The following CFAP47 variants were observed in gnomAD, a reference collection of about 807,000 sequenced individuals.
The protein encoded by CFAP47 is cilia- and flagella-associated protein 47.
Under a neutral mutation model 148.1 loss-of-function variants are expected in CFAP47, and 29 were observed. That is an observed-to-expected ratio of 0.20 (90% CI 0.15 to 0.27). The LOEUF is 0.27. Ranked by LOEUF, CFAP47 falls within the 10% of genes least tolerant of loss-of-function variation. The pLI is 1.00. For synonymous variants in CFAP47, 664 were observed against 577.3 expected (o/e 1.15, Z -2.15); for missense variants, 1,872 against 1,697.5 (o/e 1.10, Z -1.81).
intron 2 of CFAP47, among the ~76,000 whole-genome samples, chrX:35,940,108 T>C (rs1406875891): frequency 9.0e-6 from 1 of 111,521 alleles, no homozygotes; most frequent in African/African-American, 3.3e-5. Context: ...GAGAAGTGTC[T>C]GTTCATGTCC....
intron 52 of CFAP47, among the ~76,000 whole-genome samples, chrX:36,299,534 T>C (rs1941277848): frequency 1.8e-5 from 2 of 111,576 alleles, no homozygotes; most frequent in Non-Finnish European, 3.8e-5. Context: ...TACAAATAAT[T>C]CACTTGGAGG....
intron 30 of CFAP47, among the ~76,000 whole-genome samples, chrX:36,086,977 A>G (rs1210836094): frequency 1.8e-5 from 2 of 111,775 alleles, no homozygotes; most frequent in Non-Finnish European, 3.8e-5. Flanking sequence ...GAAGATCCCC[A>G]TCTCAGACAT....
chrX:35,999,547 AATAC>A (rs753285887), intron 19 of CFAP47, among the ~76,000 whole-genome samples: 2 of 112,439 alleles, frequency 1.8e-5, no homozygotes, highest in Non-Finnish European at 3.8e-5. Flanking sequence ...TAAGTAAATA[AATAC>A]ATAAATAAGT....
At chrX:36,292,951 T>C (rs1246939178) in intron 51 of CFAP47, among the ~76,000 whole-genome samples, 3 of 111,337 alleles carry the variant, frequency 2.7e-5, no homozygotes, top group Non-Finnish European at 5.7e-5. Context: ...GTACAATATG[T>C]AATACATAAT....
In CFAP47 at chrX:36,238,019, C is replaced by T. The variant is rs148654130; in HGVS notation, c.7332+1160C>T. On this transcript the variant is annotated intron_variant, in intron 48 of 63. Transcript: ENST00000378653. ...TTCAAAATCAAAACCTAGTCCTTTG[C>T]CCATTTTTTTATAGGGATATCTGGA... Among the ~76,000 whole-genome samples, 979 of 111,315 alleles carry T rather than the reference C, an allele frequency of 8.8e-3. 12 individuals carry two copies. The highest frequency in any genetic ancestry group is 0.03 in the African/African-American group (919 of 30,609).
chrX:36,120,401 T>C (rs1569265049), intron 33 of CFAP47, among the ~76,000 whole-genome samples: 2 of 111,639 alleles, frequency 1.8e-5, no homozygotes, highest in East Asian at 5.7e-4. Flanking sequence ...TCTCTTTTTC[T>C]ACTAATTTTA....
intron 60 of CFAP47, among the ~76,000 whole-genome samples, chrX:36,357,015 A>G (rs1222035000): frequency 3.6e-5 from 4 of 112,328 alleles, no homozygotes; most frequent in African/African-American, 1.3e-4. Flanking sequence ...CATTCATGCC[A>G]AACTGGCCAG....
At chrX:36,137,210 T>C (rs1308940941) in intron 33 of CFAP47, among the ~76,000 whole-genome samples, 1 of 111,203 alleles carries the variant, frequency 9.0e-6, no homozygotes, top group African/African-American at 3.3e-5. Context: ...CATTTGCCCC[T>C]TGTTTTCAGA....
At chrX:36,176,863 C>A (rs1229591032) in intron 39 of CFAP47, among the ~76,000 whole-genome samples, 9 of 112,071 alleles carry the variant, frequency 8.0e-5, no homozygotes, top group Non-Finnish European at 5.6e-5. Flanking sequence ...GAGATTGTGC[C>A]ATTGCATTCC....
At chrX:36,200,568 A>T (rs1474847914) in intron 43 of CFAP47, 75 bp downstream of exon 43, 1 of 286,434 alleles carries the variant, frequency 3.5e-6, no homozygotes, top group African/African-American at 2.8e-5. Context: ...ACCTAAGCAT[A>T]CTCATAGCAA....
chrX:36,366,858 C>A, intron 61 of CFAP47, 108 bp from the exon 62 acceptor site: 2 of 403,752 alleles, frequency 5.0e-6, no homozygotes, highest in Non-Finnish European at 7.9e-6. Flanking sequence ...AGTGTTTTCA[C>A]TGAAACCACA....
In CFAP47 at chrX:36,085,446, A is replaced by G. The variant is rs75501143; in HGVS notation, c.4824A>G (p.Gly1608=). Residue 1608 remains glycine (G), a synonymous_variant, in exon 30 of 64, where the codon GGA becomes GGG. Transcript: ENST00000378653. ...LLHLSGKMPP[G]INSSQSLPVD... ...ATTTGAGTGGAAAAATGCCACCTGGAATTAATTCAAGTCAATCTTTACCTG... is the reference window on the plus strand; with the variant it reads ...ATTTGAGTGGAAAAATGCCACCTGGGATTAATTCAAGTCAATCTTTACCTG... 9.7e-5 allele frequency: 117 copies of G among 1,202,945 alleles called. No individual in the cohort carries two copies. The African/African-American group carries it at 1.9e-3, about 20-fold the overall frequency.
intron 57 of CFAP47, among the ~76,000 whole-genome samples, chrX:36,334,822 T>A (rs1941591584): frequency 9.0e-6 from 1 of 110,689 alleles, no homozygotes. Context: ...TCTCACATCC[T>A]GCAAAGTGTT....
intron 46 of CFAP47, among the ~76,000 whole-genome samples, chrX:36,232,081 G>C (rs1940370951): frequency 9.0e-6 from 1 of 110,813 alleles, no homozygotes; most frequent in Admixed American, 9.6e-5. Flanking sequence ...TCTCCTTTTT[G>C]GTTGTGTCTC....
At chrX:36,085,683 GTATATATATAT>G (rs1555971215) in intron 30 of CFAP47, 145 bp downstream of exon 30, 1 of 194,312 alleles carries the variant, frequency 5.1e-6, no homozygotes, top group Non-Finnish European at 9.0e-6. Context: ...ATACACACAC[GTATATATATAT>G]TATATATATA....
intron 43 of CFAP47, 22 bp from the exon 44 acceptor site, chrX:36,201,252 A>T (rs1050342509): frequency 3.4e-6 from 1 of 295,538 alleles, no homozygotes; most frequent in Non-Finnish European, 5.9e-6. Context: ...TGTATTCATT[A>T]ATATTTTTTT....
intron 40 of CFAP47, among the ~76,000 whole-genome samples, chrX:36,184,760 CCTCT>C (rs1939787736): frequency 9.0e-6 from 1 of 110,554 alleles, no homozygotes; most frequent in Non-Finnish European, 1.9e-5. Flanking sequence ...ATGGTGACGC[CCTCT>C]CTCTATTAAA....
At chrX:35,940,556 A>AT (rs1315075808) in intron 2 of CFAP47, among the ~76,000 whole-genome samples, 2 of 111,085 alleles carry the variant, frequency 1.8e-5, no homozygotes, top group Non-Finnish European at 3.8e-5. Context: ...AGATTTCAAG[A>AT]TTTTTTTACA....
At chrX:36,157,354 G>A (rs1939380229) in intron 37 of CFAP47, among the ~76,000 whole-genome samples, 2 of 112,192 alleles carry the variant, frequency 1.8e-5, no homozygotes, top group Non-Finnish European at 3.8e-5. Context: ...TTCGCAGCTT[G>A]CTCTTGGCTA....
Sources: gnomAD v4.1 joint callset for allele counts (sites outside exome capture counted in the v4.1 genomes callset) on GRCh38, gnomAD v4.1.1 for gene constraint, MANE v1.5 for transcripts, NCBI Gene and HGNC (gene_info 2026-07-23, HGNC 2026-07-21) for gene names.